Variants in TMEM92 observed in about 807,000 individuals in gnomAD.
TMEM92 encodes the protein transmembrane protein 92.
A neutral mutation model predicts 14.6 loss-of-function variants in TMEM92; 15 were observed. That is an observed-to-expected ratio of 1.03 (90% CI 0.69 to 1.58). TMEM92 has a LOEUF of 1.58. Among genes scored for constraint, TMEM92 ranks in the 40% most tolerant of loss-of-function variants. The probability of loss-of-function intolerance (pLI) is 0.00; values close to 1 mark genes in which losing one functional copy is unlikely to be tolerated. For synonymous variants in TMEM92, 85 were observed against 83.3 expected, an observed-to-expected ratio of 1.02 and a Z score of -0.11; for missense variants, 174 against 202.4, an observed-to-expected ratio of 0.86 and a Z score of 0.85.
Position 50,279,345 on chromosome 17 carries a change from C to T in TMEM92, c.*37C>T. The T allele has an allele frequency of 6.5e-7, 1 of 1,550,074 alleles. No individual in the cohort carries two copies. Among genetic ancestry groups the T allele is most frequent in the Non-Finnish European group, 8.9e-7 (1 of 1,122,040 alleles). ...CCTGGAATCTTGCCATCAGCAACCTCCTCCCCAGTGCCTCCTGGATCAAGC... is the reference window on the plus strand; with the variant it reads ...CCTGGAATCTTGCCATCAGCAACCTTCTCCCCAGTGCCTCCTGGATCAAGC... On this transcript the variant is annotated 3_prime_UTR_variant, in exon 5 of 5. Transcript: ENST00000507382.
At chr17:50,277,227 A>G (rs911711489) in intron 1 of TMEM92, among the ~76,000 whole-genome samples, 5 of 152,114 alleles carry the variant, frequency 3.3e-5, no homozygotes, top group Non-Finnish European at 7.3e-5. Flanking sequence ...GAAGAGAAAG[A>G]ACTAGGGGAA....
At chr17:50,276,209 C>T (rs1353782670) in intron 1 of TMEM92, among the ~76,000 whole-genome samples, 1 of 152,106 alleles carries the variant, frequency 6.6e-6, no homozygotes, top group African/African-American at 2.4e-5. Context: ...CTTAAACTCC[C>T]GGCCTCAAGC....
intron 2 of TMEM92, 74 bp downstream of exon 2, chr17:50,277,814 G>T (rs74422598): frequency 5.0e-6 from 8 of 1,590,558 alleles, no homozygotes; most frequent in South Asian, 2.2e-5. Flanking sequence ...GCATGCCTTG[G>T]GGGGTGTGGG....
chr17:50,276,460 T>C (rs1324978694), intron 1 of TMEM92, among the ~76,000 whole-genome samples: 1 of 152,230 alleles, frequency 6.6e-6, no homozygotes, highest in Non-Finnish European at 1.5e-5. Context: ...CCAACTCTTA[T>C]TGGCTATCAC....
upstream of TMEM92, among the ~76,000 whole-genome samples, chr17:50,273,277 C>T (rs1243745541): frequency 6.6e-6 from 1 of 152,170 alleles, no homozygotes; most frequent in South Asian, 2.1e-4. Context: ...CAAGCCCCGG[C>T]CGCGCCCCTC....
upstream of TMEM92, chr17:50,274,398 G>A: frequency 1.6e-6 from 2 of 1,214,072 alleles, no homozygotes; most frequent in Non-Finnish European, 2.4e-6. Flanking sequence ...TCCCGGTGCA[G>A]CTCCGCCCCC....
At chr17:50,278,757 G>C in intron 3 of TMEM92, 44 bp from the exon 4 acceptor site, 1 of 1,579,434 alleles carries the variant, frequency 6.3e-7, no homozygotes, top group Non-Finnish European at 8.6e-7. Flanking sequence ...GAGTCCCCAG[G>C]GTGGCCTGGG....
Position 50,274,586 on chromosome 17 carries a change from A to G in TMEM92, c.69+16A>G, listed in dbSNP as rs373011415. 2.1e-4 allele frequency: 337 copies of G among 1,610,306 alleles called. No individual in the cohort carries two copies. The highest frequency in any genetic ancestry group is 2.8e-4 in the Non-Finnish European group (334 of 1,178,262). ...CCCCCAAAAGGTGAGACTGGGAGGTAAGGTTGTTGAACTTTTGGGCCCTAC... is the reference window on the plus strand; with the variant it reads ...CCCCCAAAAGGTGAGACTGGGAGGTGAGGTTGTTGAACTTTTGGGCCCTAC... On this transcript the variant is annotated intron_variant, in intron 1 of 4. Coordinates refer to ENST00000507382, the MANE Select transcript of TMEM92 (RefSeq NM_153229.3).
chr17:50,279,146 G>T (rs1013202967), intron 4 of TMEM92, 49 bp from the exon 5 acceptor site: 1 of 1,583,778 alleles, frequency 6.3e-7, no homozygotes, highest in African/African-American at 1.3e-5. Flanking sequence ...TGGGGGAGTG[G>T]TGGCCAGGGC....
chr17:50,274,569 A>T lies in TMEM92; in HGVS notation c.68A>T (p.Lys23Met). 6.2e-7 allele frequency: 1 copy of T among 1,613,384 alleles called. No individual in the cohort carries two copies. Among genetic ancestry groups the T allele is most frequent in the Admixed American group, 1.7e-5 (1 of 59,936 alleles). ...TTCAGCCTGCTGGCTGGCCCCCAAA[A>T]GGTGAGACTGGGAGGTAAGGTTGTT... ...LLFSLLAGPQ[K>M]IAAKCGLILA... Residue 23 changes from lysine (K) to methionine (M), a missense_variant and splice_region_variant, in exon 1 of 5, where the codon AAG (lysine) becomes ATG (methionine). Physicochemically the swap from Lys to Met is moderately conservative, Grantham distance 95. Coordinates refer to ENST00000507382, the MANE Select transcript of TMEM92 (RefSeq NM_153229.3).
rs1910532176 is a variant in TMEM92, at chr17:50,279,176, TTC to T, written c.367-13_367-12del. 6.2e-7 allele frequency: 1 copy of T among 1,608,910 alleles called. No homozygotes were observed. On this transcript the variant is annotated splice_polypyrimidine_tract_variant and intron_variant, in intron 4 of 4. Transcript: ENST00000507382. ...CAGGGCCAGGGCCCAGAAGACTGAATTCTCTCTTTTCCCTGCAGGTGATTCTG... is the reference window on the plus strand; with the variant it reads ...CAGGGCCAGGGCCCAGAAGACTGAATTCTCTTTTCCCTGCAGGTGATTCTG...
At chr17:50,274,139 C>T (rs1274590750), upstream of TMEM92, among the ~76,000 whole-genome samples, 1 of 143,086 alleles carries the variant, frequency 7.0e-6, no homozygotes, top group African/African-American at 2.7e-5. Flanking sequence ...CCACCACGCC[C>T]GGCTAAATTT....
At chr17:50,277,949 A>T (rs138186111) in intron 2 of TMEM92, among the ~76,000 whole-genome samples, 139 of 152,238 alleles carry the variant, frequency 9.1e-4, no homozygotes, top group African/African-American at 3.2e-3. Flanking sequence ...CCACACTTGC[A>T]GGCAGGTCTG....
intron 1 of TMEM92, 118 bp from the exon 2 acceptor site, chr17:50,277,597 G>T: frequency 8.2e-7 from 1 of 1,212,388 alleles, no homozygotes; most frequent in Non-Finnish European, 1.2e-6. Flanking sequence ...GCAGGAAGAG[G>T]CTGAGTCTAC....
chr17:50,277,507 G>T (rs1910464616), intron 1 of TMEM92, among the ~76,000 whole-genome samples: 1 of 151,716 alleles, frequency 6.6e-6, no homozygotes, highest in South Asian at 2.1e-4. Flanking sequence ...AGAGAGGAAG[G>T]GGAGCTGGGG....
chr17:50,277,750 G>A lies in TMEM92; in HGVS notation c.95+10G>A, dbSNP rs202158825. 183 of 1,613,942 alleles carry A rather than the reference G, an allele frequency of 1.1e-4. 1 individual carries two copies. The East Asian group carries it at 2.7e-3, about 24-fold the overall frequency. ...AATGTGGTCTCATCCTGTAAGTCTAGAGGCCATAACTTCCAATCTGGGGAG... is the reference window on the plus strand; with the variant it reads ...AATGTGGTCTCATCCTGTAAGTCTAAAGGCCATAACTTCCAATCTGGGGAG... On this transcript the variant is annotated intron_variant, in intron 2 of 4. Coordinates refer to ENST00000507382, the MANE Select transcript of TMEM92 (RefSeq NM_153229.3).
chr17:50,274,124 A>G (rs753691839), upstream of TMEM92, among the ~76,000 whole-genome samples: 9 of 151,316 alleles, frequency 5.9e-5, no homozygotes, highest in African/African-American at 9.7e-5. Flanking sequence ...GATTACAGGC[A>G]CCCGCCACCA....
chr17:50,277,303 G>A (rs1442780824), intron 1 of TMEM92, among the ~76,000 whole-genome samples: 1 of 152,176 alleles, frequency 6.6e-6, no homozygotes, highest in Non-Finnish European at 1.5e-5. Flanking sequence ...ACCGAAGGGG[G>A]CTTCCAGCAA....
At chr17:50,272,652 C>G (rs1341380471), upstream of TMEM92, among the ~76,000 whole-genome samples, 6 of 152,044 alleles carry the variant, frequency 3.9e-5, no homozygotes, top group East Asian at 1.2e-3. Flanking sequence ...GATCAGGAGA[C>G]TAGAAGATTA....
Sources: gnomAD v4.1 joint callset for allele counts (sites outside exome capture counted in the v4.1 genomes callset) on GRCh38, gnomAD v4.1.1 for gene constraint, MANE v1.5 for transcripts, NCBI Gene and HGNC (gene_info 2026-07-23, HGNC 2026-07-21) for gene names.